Variants in TATDN2 observed in about 807,000 individuals in gnomAD.
TATDN2 encodes TatD DNase domain containing 2, also known as 3'-5' RNA nuclease TATDN2.
Under a neutral mutation model 60.3 loss-of-function variants are expected in TATDN2, and 44 were observed. The ratio of observed to expected loss-of-function variants is 0.73; its 90% CI spans 0.57 to 0.94. The LOEUF is 0.94. TATDN2 is among the 40% of genes least tolerant of loss of function. The pLI, the probability that TATDN2 is intolerant of heterozygous loss-of-function variation, is 0.00. For synonymous variants in TATDN2, 399 were observed against 355.8 expected (o/e 1.12, Z -1.37); for missense variants, 997 against 948.0 (o/e 1.05, Z -0.68).
Position 10,249,517 on chromosome 3 carries a change from CT to C in TATDN2, c.318del (p.Arg107GlyfsTer24). Reference sequence around the variant, plus strand: ...TCCAAAGGCTGCCTGATTCGGAACACTCGGGGGTTCCTGTCTTCAGGGGGAT... The same window carrying C: ...TCCAAAGGCTGCCTGATTCGGAACACCGGGGGTTCCTGTCTTCAGGGGGAT... ...AASKGCLIRN[T>X]RGFLSSGGSP... On this transcript the variant is annotated frameshift_variant, in exon 2 of 8. Coordinates refer to ENST00000448281, the MANE Select transcript of TATDN2 (RefSeq NM_014760.4). LOFTEE classifies it high-confidence loss of function. The C allele has an allele frequency of 6.2e-7, 1 of 1,607,514 alleles. No homozygotes were observed.
rs944655724 is a variant in TATDN2 at position 10,249,083 on chromosome 3, C to T, written c.-7+16C>T. 25 of 1,250,286 alleles carry T rather than the reference C, an allele frequency of 2.0e-5. No homozygotes were observed. The highest frequency in any genetic ancestry group is 2.6e-5 in the Non-Finnish European group (24 of 932,114). 77.4% of individuals were successfully genotyped at this position (1,250,286 alleles called of 1,614,324 possible). ...AGAGGGAAAGGTCAGTGAGGCTAGCCCCTGGCTCTGCCCTTATGTCTTGCC... is the reference window on the plus strand; with the variant it reads ...AGAGGGAAAGGTCAGTGAGGCTAGCTCCTGGCTCTGCCCTTATGTCTTGCC... On this transcript the variant is annotated intron_variant, in intron 1 of 7. Transcript: ENST00000448281.
chr3:10,270,071 C>T, intron 3 of TATDN2, 60 bp from the exon 4 acceptor site: 3 of 1,552,022 alleles, frequency 1.9e-6, no homozygotes, highest in Non-Finnish European at 2.6e-6. Context: ...TGATGACAGC[C>T]TGGGAGGCCA....
intron 2 of TATDN2, among the ~76,000 whole-genome samples, chr3:10,252,182 A>G (rs1425370086): frequency 1.4e-5 from 2 of 139,166 alleles, no homozygotes; most frequent in South Asian, 2.4e-4. Flanking sequence ...TTTTTTTTGT[A>G]GAGATGAAGA....
chr3:10,267,029 C>T (rs1236913064), intron 3 of TATDN2, among the ~76,000 whole-genome samples: 2 of 147,632 alleles, frequency 1.4e-5, no homozygotes, highest in East Asian at 2.1e-4. Context: ...AAGTGATTCT[C>T]ATGTCTCAGC....
intron 2 of TATDN2, among the ~76,000 whole-genome samples, chr3:10,257,635 C>A (rs1468037571): frequency 2.0e-5 from 3 of 149,170 alleles, no homozygotes; most frequent in African/African-American, 7.3e-5. Flanking sequence ...CAAAAATGAC[C>A]CGTAACCTCC....
chr3:10,256,100 G>A (rs1183112001), intron 2 of TATDN2, among the ~76,000 whole-genome samples: 1 of 151,852 alleles, frequency 6.6e-6, no homozygotes, highest in Non-Finnish European at 1.5e-5. Context: ...CCTTTCTCCT[G>A]GTTTTCCCTT....
Position 10,259,654 on chromosome 3 carries a change from C to G in TATDN2, c.415-483C>G, listed in dbSNP as rs371818379. 3.9e-5 allele frequency among the ~76,000 whole-genome samples: 6 copies of G among 152,302 alleles called. 1 individual carries two copies. The highest frequency in any genetic ancestry group is 1.4e-4 in the African/African-American group (6 of 41,566). On this transcript the variant is annotated intron_variant, in intron 2 of 7. Coordinates refer to ENST00000448281, the MANE Select transcript of TATDN2 (RefSeq NM_014760.4). Reference sequence around the variant, plus strand: ...AGGGGAAGTGTTTGCAGAGAACTTTCAGGAGGCTTTGGGTATGGTGGGAAA... The same window carrying G: ...AGGGGAAGTGTTTGCAGAGAACTTTGAGGAGGCTTTGGGTATGGTGGGAAA...
chr3:10,265,019 C>CTTTTTTTTTTTTTTTTCTTTGGGTGGT (rs550799457), intron 3 of TATDN2, among the ~76,000 whole-genome samples: 1 of 76,448 alleles, frequency 1.3e-5, no homozygotes, highest in African/African-American at 5.8e-5. Flanking sequence ...TTTTTTTGGT[C>CTTTTTTTTTTTTTTTTCTTTGGGTGGT]TTTTTTTTTT....
At chr3:10,254,766 C>T (rs932894847) in intron 2 of TATDN2, among the ~76,000 whole-genome samples, 4 of 152,072 alleles carry the variant, frequency 2.6e-5, no homozygotes, top group African/African-American at 9.7e-5. Flanking sequence ...TCCTTCTTTC[C>T]TTTGGAGATG....
rs1486047032 is a variant in TATDN2 at position 10,281,146 on chromosome 3, G to A, written c.*1964G>A. ...TGGCTAATTGTTTTCACTGTGCTGT[G>A]GGAATGCCTCTGTATTTTTTCCCCT... is the stretch of plus-strand genomic sequence containing the variant. On this transcript the variant is annotated 3_prime_UTR_variant, in exon 8 of 8. Coordinates refer to ENST00000448281, the MANE Select transcript of TATDN2 (RefSeq NM_014760.4). 1 of 152,132 alleles carries A rather than the reference G, an allele frequency of 6.6e-6. No individual in the cohort carries two copies. The highest frequency in any genetic ancestry group is 1.5e-5 in the Non-Finnish European group (1 of 68,028). 9.4% of individuals were successfully genotyped at this position (152,132 alleles called of 1,614,324 possible).
In TATDN2 at chr3:10,270,257, GA is replaced by G; in HGVS notation, c.1076del (p.Glu359GlyfsTer58). 3.7e-6 allele frequency: 6 copies of G among 1,614,134 alleles called. No individual in the cohort carries two copies. Among genetic ancestry groups the G allele is most frequent in the Non-Finnish European group, 5.1e-6 (6 of 1,180,038 alleles). On this transcript the variant is annotated frameshift_variant, in exon 4 of 8. Coordinates refer to ENST00000448281, the MANE Select transcript of TATDN2 (RefSeq NM_014760.4). LOFTEE classifies it high-confidence loss of function. ...PVSLKPSAVP[E>X]PSSFTTDYVM... The stretch of plus-strand genomic sequence containing the variant: ...CTCCCTGAAACCTTCAGCCGTTCCG[GA>G]GCCTTCTTCCTTCACCACCGACTAT...
At position 10,280,111 on chromosome 3, in the gene TATDN2, A is replaced by C. The variant is rs1423586945; in HGVS notation, c.*929A>C. On this transcript the variant is annotated 3_prime_UTR_variant, in exon 8 of 8. Transcript: ENST00000448281. ...ATAATCCTCATTTCATCTTGTGTACAGTCCTTTGTGTACCCCGCCCAGGTT... is the reference window on the plus strand; with the variant it reads ...ATAATCCTCATTTCATCTTGTGTACCGTCCTTTGTGTACCCCGCCCAGGTT... 1 of 153,750 alleles carries C rather than the reference A, an allele frequency of 6.5e-6. No individual in the cohort carries two copies. Among genetic ancestry groups the C allele is most frequent in the Admixed American group, 6.5e-5 (1 of 15,282 alleles). 9.5% of individuals were successfully genotyped at this position (153,750 alleles called of 1,614,324 possible).
At chr3:10,258,156 G>C (rs403429) in intron 2 of TATDN2, among the ~76,000 whole-genome samples, 50,504 of 151,300 alleles carry the variant, frequency 0.33, 11,055 homozygotes, top group East Asian at 0.97. Context: ...GTTTATGATT[G>C]TTTTAAGTTT....
chr3:10,275,320 G>A (rs773034822), intron 4 of TATDN2, among the ~76,000 whole-genome samples: 1 of 152,168 alleles, frequency 6.6e-6, no homozygotes, highest in African/African-American at 2.4e-5. Flanking sequence ...CTCGTTAGAG[G>A]AAAGAACAGG....
rs1698676725 is a variant in TATDN2, at chr3:10,278,808, A to T, written c.2146-77A>T. ...GCCCCAAAGAGGTCCTTGCTGGGGA[A>T]GGGACAGGGAGGGAGTTCTAGATTA... On this transcript the variant is annotated intron_variant, in intron 6 of 7. Transcript: ENST00000448281. This position sits in a 1 kb window ranked among gnomAD's most constrained non-coding sequence, Gnocchi z 4.7. The T allele has an allele frequency of 2.5e-6, 4 of 1,605,954 alleles. No individual in the cohort carries two copies. The South Asian group carries it at 4.4e-5, about 18-fold the overall frequency.
Position 10,270,457 on chromosome 3 carries a change from G to A in TATDN2, c.1275G>A (p.Gly425=). 1 of 1,614,198 alleles carries A rather than the reference G, an allele frequency of 6.2e-7. No homozygotes were observed. Among genetic ancestry groups the A allele is most frequent in the Non-Finnish European group, 8.5e-7 (1 of 1,180,034 alleles). Residue 425 remains glycine (G), a synonymous_variant, in exon 4 of 8, where the codon GGG becomes GGA. Transcript: ENST00000448281. ...RMSDYSPNST[G]SVQNTSRDME... ...GTGATTATTCCCCCAACTCTACAGGGAGTGTCCAAAACACCTCCAGAGACA... is the reference window on the plus strand; with the variant it reads ...GTGATTATTCCCCCAACTCTACAGGAAGTGTCCAAAACACCTCCAGAGACA...
chr3:10,279,989 C>T lies in TATDN2; in HGVS notation c.*807C>T, dbSNP rs1279205260. The T allele has an allele frequency of 6.5e-6, 1 of 153,760 alleles. No individual in the cohort carries two copies. 9.5% of individuals were successfully genotyped at this position (153,760 alleles called of 1,614,324 possible). A position where few individuals can be genotyped will look rare whatever the true frequency, so the allele number is the denominator to read the frequency against. On this transcript the variant is annotated 3_prime_UTR_variant, in exon 8 of 8. Coordinates refer to ENST00000448281, the MANE Select transcript of TATDN2 (RefSeq NM_014760.4). ...GTGGGTGTGTTAAGCTGATAAGGTT[C>T]AGTTTGCGGCGGAAACTACCTGCTA...
chr3:10,258,017 C>T (rs1303523528), intron 2 of TATDN2, among the ~76,000 whole-genome samples: 13 of 150,890 alleles, frequency 8.6e-5, no homozygotes, highest in African/African-American at 1.9e-4. Context: ...CCCGCCACCA[C>T]GCACGGCTAA....
Position 10,266,669 on chromosome 3 carries a change from C to T in TATDN2, c.949-3462C>T, listed in dbSNP as rs543973212. Among the ~76,000 whole-genome samples the T allele has an allele frequency of 9.8e-5, 15 of 152,342 alleles. 1 individual carries two copies. The South Asian group carries it at 1.2e-3, about 13-fold the overall frequency. On this transcript the variant is annotated intron_variant, in intron 3 of 7. Transcript: ENST00000448281. ...TCTGCATGAAAATGGCCATAGACAACGTACAAGTGAATGGGCCTGACTGTA... is the reference window on the plus strand; with the variant it reads ...TCTGCATGAAAATGGCCATAGACAATGTACAAGTGAATGGGCCTGACTGTA...
Sources: allele counts gnomAD v4.1 joint callset (sites outside exome capture counted in the v4.1 genomes callset), GRCh38; gene constraint gnomAD v4.1.1; non-coding constraint Gnocchi (gnomAD v3.1); transcripts MANE v1.5; gene names NCBI Gene and HGNC (gene_info 2026-07-23, HGNC 2026-07-21).